ADGRD2: variants seen among roughly 807,000 people sequenced by gnomAD.
The protein encoded by ADGRD2 is adhesion G protein-coupled receptor D2.
In ADGRD2, 71 loss-of-function variants were observed where a neutral mutation model predicts 44.4. That is an observed-to-expected ratio of 1.60 (90% CI 1.32 to 1.95). The LOEUF (loss-of-function observed/expected upper bound fraction) is 1.95, where lower values mean the gene tolerates loss of function less well. ADGRD2 is among the 30% of genes most tolerant of loss of function. The pLI is 0.00. For missense variants in ADGRD2, 1,039 were observed against 512.4 expected (o/e 2.03, Z -9.92); for synonymous variants, 481 against 224.8 (o/e 2.14, Z -10.19).
At chr9:124,450,645 C>T (rs1243132820), upstream of ADGRD2, among the ~76,000 whole-genome samples, 1 of 152,220 alleles carries the variant, frequency 6.6e-6, no homozygotes, top group Non-Finnish European at 1.5e-5. Context: ...CGGGCCTCAA[C>T]GAGTGTTTGG....
At chr9:124,452,107 G>A (rs1488064952) in exon 1 of ADGRD2, 3 of 715,342 alleles carry the variant, frequency 4.2e-6, no homozygotes, top group African/African-American at 3.5e-5. Context: ...AGTCTCTCTG[G>A]GACCCCCTCC....
rs186187750 is a variant in ADGRD2 at position 124,455,001 on chromosome 9, C to A, written c.1269C>A (p.Ala423=). ...TCCGCTTCCTGAAGAGGGTGGTGGC[C>A]CTCGGGGCTGGGGACCCAGAGCTGT... The change falls in exon 6 of 22, where the codon GCC becomes GCA. Residue 423 remains alanine (A), a synonymous_variant. Transcript: ENST00000334810. The A allele has an allele frequency of 6.6e-4, 476 of 718,388 alleles. 3 individuals carry two copies. In the Admixed American group the frequency reaches 7.0e-3, roughly 11 times the overall value. 44.5% of individuals were successfully genotyped at this position (718,388 alleles called of 1,614,324 possible).
At chr9:124,458,846 A>G in intron 10 of ADGRD2, 125 bp downstream of exon 13, 1 of 609,142 alleles carries the variant, frequency 1.6e-6, no homozygotes, top group Non-Finnish European at 3.0e-6. Flanking sequence ...GGTACCTGCA[A>G]GCCACCTCCA....
At chr9:124,467,969 TG>T in intron 12 of ADGRD2, 118 bp from the exon 16 acceptor site, 1 of 704,574 alleles carries the variant, frequency 1.4e-6, no homozygotes, top group East Asian at 2.7e-5. Context: ...GGGTCCCCTG[TG>T]GAGCTGCTCT....
intron 17 of ADGRD2, among the ~76,000 whole-genome samples, chr9:124,471,046 G>T (rs969825009): frequency 1.3e-5 from 2 of 152,228 alleles, no homozygotes; most frequent in African/African-American, 4.8e-5. Context: ...GTTTGGTGAG[G>T]AGGCCAGTTC....
At chr9:124,473,348 G>A (rs576698105) in intron 17 of ADGRD2, among the ~76,000 whole-genome samples, 12 of 152,340 alleles carry the variant, frequency 7.9e-5, no homozygotes, top group African/African-American at 1.4e-4. Context: ...ATAACCAGCC[G>A]TAGCTCACAC....
At position 124,460,388 on chromosome 9, in the gene ADGRD2, A is replaced by ATATATATAT. The variant is rs33991643; in HGVS notation, c.1870+1668_1870+1669insATATATATT. Among the ~76,000 whole-genome samples, 24 of 145,222 alleles carry ATATATATAT rather than the reference A, an allele frequency of 1.7e-4. 1 individual carries two copies. In the South Asian group the frequency reaches 2.4e-3, roughly 14 times the overall value. On this transcript the variant is annotated intron_variant, in intron 10 of 21. Transcript: ENST00000334810. ...CAGCTAATTTTGTATATATATATATATTTTTTTTTAGTAGAGATGGGGTTT... is the reference window on the plus strand; with the variant it reads ...CAGCTAATTTTGTATATATATATATATATATATATTTTTTTTTTAGTAGAGATGGGGTTT...
At chr9:124,465,898 G>A (rs768512745) in intron 10 of ADGRD2, 24 of 168,398 alleles carry the variant, frequency 1.4e-4, no homozygotes, top group South Asian at 8.0e-4. Flanking sequence ...TCAAATTGGC[G>A]TTGAACTTGA....
intron 10 of ADGRD2, among the ~76,000 whole-genome samples, chr9:124,463,103 A>C (rs1379272223): frequency 6.6e-6 from 1 of 152,054 alleles, no homozygotes; most frequent in Non-Finnish European, 1.5e-5. Flanking sequence ...AGGCATCCAG[A>C]CTTTCACCAC....
chr9:124,467,999 AG>A (rs1462192491), intron 12 of ADGRD2, 88 bp from the exon 16 acceptor site: 2 of 713,292 alleles, frequency 2.8e-6, no homozygotes, highest in African/African-American at 3.5e-5. Context: ...CCATCTGCCC[AG>A]GCACAGGGGA....
At chr9:124,453,960 T>C in intron 3 of ADGRD2, 39 bp from the exon 7 acceptor site, 1 of 589,224 alleles carries the variant, frequency 1.7e-6, no homozygotes, top group Admixed American at 3.0e-5. Context: ...CTCGCCAGGG[T>C]CCCCTAGGGA....
chr9:124,451,830 A>G, upstream of ADGRD2: 1 of 497,116 alleles, frequency 2.0e-6, no homozygotes, highest in Non-Finnish European at 3.6e-6. Context: ...GTCCTGGCAC[A>G]GACGGAATAA....
intron 13 of ADGRD2, 76 bp from the exon 17 acceptor site, chr9:124,468,443 C>T: frequency 1.4e-6 from 1 of 713,182 alleles, no homozygotes; most frequent in Admixed American, 2.0e-5. Context: ...CAAGGCCGGG[C>T]TGGGCATGGG....
chr9:124,459,133 C>T lies in ADGRD2; in HGVS notation c.1870+412C>T, dbSNP rs530650401. 2.0e-5 allele frequency among the ~76,000 whole-genome samples: 3 copies of T among 152,308 alleles called. No homozygotes were observed. In the East Asian group the frequency reaches 5.8e-4, roughly 29 times the overall value. ...ACTGCAGTGTGTGTACAGGGGCCTT[C>T]ACATATGAATGCGCTTCATACAAAT... On this transcript the variant is annotated intron_variant, in intron 10 of 21. Coordinates refer to ENST00000334810, the Ensembl canonical transcript of ADGRD2.
chr9:124,457,271 G>GCCCCTCCTTCTCAGTGACCC, intron 7 of ADGRD2, among the ~76,000 whole-genome samples: 1 of 152,308 alleles, frequency 6.6e-6, no homozygotes, highest in South Asian at 2.1e-4. Context: ...CGCGGTGACC[G>GCCCCTCCTTCTCAGTGACCC]CCCCTCCTTC....
chr9:124,469,570 CAGCAGGA>C lies in ADGRD2; in HGVS notation c.2637+33_2637+39del, dbSNP rs1247457711. 5.6e-6 allele frequency: 4 copies of C among 716,570 alleles called. No homozygotes were observed. In the Admixed American group the frequency reaches 6.0e-5, roughly 11 times the overall value. The allele number at this position is 716,570 out of a possible 1,614,324, so 44.4% of individuals were successfully genotyped here. A position where few individuals can be genotyped will look rare whatever the true frequency, so the allele number is the denominator to read the frequency against. ...ATGGTGAGGCCCCAGAATGGGGGGCCAGCAGGAAGCAGGAAGTGCACAGTCAGCCGGC... is the reference window on the plus strand; with the variant it reads ...ATGGTGAGGCCCCAGAATGGGGGGCCAGCAGGAAGTGCACAGTCAGCCGGC... On this transcript the variant is annotated intron_variant, in intron 16 of 21. Transcript: ENST00000334810.
At chr9:124,458,047 C>G (rs574548728) in intron 8 of ADGRD2, 66 bp from the exon 12 acceptor site, 1 of 712,092 alleles carries the variant, frequency 1.4e-6, no homozygotes, top group Non-Finnish European at 2.6e-6. Context: ...GCATCACCCT[C>G]GGGGCCAACT....
At chr9:124,477,654 C>A (rs567682655) in intron 21 of ADGRD2, among the ~76,000 whole-genome samples, 38 of 152,330 alleles carry the variant, frequency 2.5e-4, no homozygotes, top group African/African-American at 8.9e-4. Context: ...CCGCGTGAAC[C>A]CGGGTTGTGG....
exon 2 of ADGRD2, chr9:124,452,575 C>T (rs890121743): frequency 2.8e-6 from 2 of 718,442 alleles, no homozygotes; most frequent in South Asian, 1.5e-5. Flanking sequence ...TGGACAGCGA[C>T]TGAGCTGGTG....
Sources: gnomAD v4.1 joint callset for allele counts (sites outside exome capture counted in the v4.1 genomes callset) on GRCh38, gnomAD v4.1.1 for gene constraint, MANE v1.5 for transcripts, NCBI Gene and HGNC (gene_info 2026-07-23, HGNC 2026-07-21) for gene names.